EIF2S1: variants seen among roughly 807,000 people sequenced by gnomAD.
The protein encoded by EIF2S1 is eukaryotic translation initiation factor 2 subunit alpha, also known as eukaryotic translation initiation factor 2 subunit 1.
EIF2S1 carries 5 observed loss-of-function variants against 33.5 expected under a neutral mutation model. That is an observed-to-expected ratio of 0.15 (90% CI 0.08 to 0.31). EIF2S1 has a LOEUF of 0.31. EIF2S1 is among the 10% of genes least tolerant of loss of function. EIF2S1 has a pLI of 1.00. For synonymous variants in EIF2S1, 99 were observed against 127.5 expected (o/e 0.78, Z 1.51); for missense variants, 191 against 384.6 (o/e 0.50, Z 4.21).
intron 1 of EIF2S1, among the ~76,000 whole-genome samples, chr14:67,362,836 C>T (rs1357295753): frequency 6.6e-6 from 1 of 152,070 alleles, no homozygotes; most frequent in Non-Finnish European, 1.5e-5. Context: ...GGTATGGATT[C>T]TTTTTGTACT....
At position 67,374,623 on chromosome 14, in the gene EIF2S1, G is replaced by A. The variant is rs144835639; in HGVS notation, c.321+76G>A. ...TAATTTGAAATCTTAATTTCATACT[G>A]CTACTACCTTAAAGTATTGCTTATG... is the stretch of plus-strand genomic sequence containing the variant. On this transcript the variant is annotated intron_variant, in intron 3 of 7. Transcript: ENST00000256383. The A allele has an allele frequency of 4.2e-5, 40 of 941,918 alleles. No individual in the cohort carries two copies. In the Admixed American group the frequency reaches 8.9e-4, roughly 21 times the overall value. The allele number at this position is 941,918 out of a possible 1,614,324, so 58.3% of individuals were successfully genotyped here. A position where few individuals can be genotyped will look rare whatever the true frequency, so the allele number is the denominator to read the frequency against.
rs370525056 is a variant in EIF2S1 at position 67,383,453 on chromosome 14, C to G, written c.*13C>G. 1.2e-6 allele frequency: 2 copies of G among 1,611,908 alleles called. No homozygotes were observed. The highest frequency in any genetic ancestry group is 2.7e-5 in the African/African-American group (2 of 74,868). On this transcript the variant is annotated 3_prime_UTR_variant, in exon 8 of 8. Transcript: ENST00000256383. ...AGCTGAAGATTAACTTTGTGGGAAA[C>G]AGAGTCCAATTTAAGGAACACAGAG...
chr14:67,366,014 T>C (rs2085775478), intron 2 of EIF2S1, among the ~76,000 whole-genome samples: 1 of 152,196 alleles, frequency 6.6e-6, no homozygotes. Context: ...TTGAGACTAT[T>C]TGTTAAACTT....
intron 2 of EIF2S1, among the ~76,000 whole-genome samples, 191 bp downstream of exon 2, chr14:67,365,199 T>C (rs1293921990): frequency 6.6e-6 from 1 of 152,218 alleles, no homozygotes; most frequent in Non-Finnish European, 1.5e-5. Context: ...AGTAGTTTAA[T>C]TAGTACATCC....
intron 6 of EIF2S1, 39 bp from the exon 7 acceptor site, chr14:67,382,408 A>G: frequency 1.3e-6 from 2 of 1,572,362 alleles, no homozygotes; most frequent in Non-Finnish European, 1.7e-6. Flanking sequence ...TGGGTTCTGT[A>G]GGTACATTCA....
chr14:67,368,368 G>C (rs2085795066), intron 2 of EIF2S1, among the ~76,000 whole-genome samples: 1 of 152,140 alleles, frequency 6.6e-6, no homozygotes, highest in African/African-American at 2.4e-5. Flanking sequence ...CATAAGAAAG[G>C]CATGCTACCA....
intron 4 of EIF2S1, among the ~76,000 whole-genome samples, chr14:67,379,882 C>T (rs2085878438): frequency 6.6e-6 from 1 of 151,830 alleles, no homozygotes; most frequent in African/African-American, 2.4e-5. Context: ...TCTCGATCTC[C>T]TGACCTCGTG....
intron 3 of EIF2S1, 123 bp from the exon 4 acceptor site, chr14:67,376,316 C>A: frequency 1.0e-6 from 1 of 974,712 alleles, no homozygotes. Context: ...TGAGTATTTC[C>A]CTATGGAGAT....
chr14:67,372,838 C>G (rs938884641), intron 2 of EIF2S1, among the ~76,000 whole-genome samples: 2 of 146,634 alleles, frequency 1.4e-5, no homozygotes, highest in African/African-American at 5.1e-5. Context: ...AAAAAAAAAA[C>G]AAAAAACAAA....
intron 5 of EIF2S1, among the ~76,000 whole-genome samples, chr14:67,381,209 T>G (rs2085886129): frequency 6.6e-6 from 1 of 152,196 alleles, no homozygotes; most frequent in Non-Finnish European, 1.5e-5. Flanking sequence ...AACCTTAACA[T>G]AAACCCGTCC....
chr14:67,369,202 T>C (rs2085802364), intron 2 of EIF2S1, among the ~76,000 whole-genome samples: 1 of 152,200 alleles, frequency 6.6e-6, no homozygotes, highest in Non-Finnish European at 1.5e-5. Flanking sequence ...ATGCAGACAA[T>C]ACCTTAAGGA....
rs1268985583 is a variant in EIF2S1, at chr14:67,384,288, T to C, written c.*848T>C. ...TCACCCAATTTTTTATTTTTATTGC[T>C]ATTAAAATATCCACTAGATGCCACC... On this transcript the variant is annotated 3_prime_UTR_variant, in exon 8 of 8. Coordinates refer to ENST00000256383, the MANE Select transcript of EIF2S1 (RefSeq NM_004094.5). 6.6e-6 allele frequency: 1 copy of C among 152,152 alleles called. No individual in the cohort carries two copies. Among genetic ancestry groups the C allele is most frequent in the Admixed American group, 6.5e-5 (1 of 15,282 alleles). The allele number at this position is 152,152 out of a possible 1,614,324, so 9.4% of individuals were successfully genotyped here.
At chr14:67,377,711 C>T (rs549680271) in intron 4 of EIF2S1, among the ~76,000 whole-genome samples, 4 of 152,272 alleles carry the variant, frequency 2.6e-5, no homozygotes, top group African/African-American at 9.6e-5. Flanking sequence ...TTTACTCCAT[C>T]AGCATAAAAA....
At chr14:67,376,098 CTTGTAT>C (rs1196699167) in intron 3 of EIF2S1, among the ~76,000 whole-genome samples, 3 of 152,106 alleles carry the variant, frequency 2.0e-5, no homozygotes, top group African/African-American at 7.2e-5. Context: ...ATAATAACAA[CTTGTAT>C]TTGTATAGCC....
At chr14:67,377,729 A>G (rs935742227) in intron 4 of EIF2S1, among the ~76,000 whole-genome samples, 8 of 152,022 alleles carry the variant, frequency 5.3e-5, no homozygotes, top group African/African-American at 1.9e-4. Context: ...AAATATCTCT[A>G]GTTTCTTCCA....
intron 4 of EIF2S1, among the ~76,000 whole-genome samples, chr14:67,378,307 C>G (rs2085868383): frequency 7.0e-6 from 1 of 142,806 alleles, no homozygotes; most frequent in Non-Finnish European, 1.5e-5. Flanking sequence ...AGTTTATTCT[C>G]ATGTGACTTT....
At position 67,360,344 on chromosome 14, in the gene EIF2S1, G is replaced by C. The variant is rs945588538; in HGVS notation, c.-114G>C. On this transcript the variant is annotated 5_prime_UTR_variant, in exon 1 of 8. Coordinates refer to ENST00000256383, the MANE Select transcript of EIF2S1 (RefSeq NM_004094.5). ...AGGTTCCGCATGCGCGGTGGAGTGA[G>C]CGAAGCGCACGCTGAGGAGGATCGG... The C allele has an allele frequency of 2.0e-5, 8 of 397,592 alleles. No homozygotes were observed. The highest frequency in any genetic ancestry group is 2.7e-5 in the Non-Finnish European group (6 of 225,682). The allele number at this position is 397,592 out of a possible 1,614,324, so 24.6% of individuals were successfully genotyped here.
intron 2 of EIF2S1, among the ~76,000 whole-genome samples, chr14:67,365,741 C>T (rs887396328): frequency 1.3e-5 from 2 of 152,184 alleles, no homozygotes; most frequent in African/African-American, 4.8e-5. Context: ...CCATCATGTC[C>T]GAAAGGCTTC....
At chr14:67,361,835 C>G (rs1383862917) in intron 1 of EIF2S1, among the ~76,000 whole-genome samples, 1 of 152,134 alleles carries the variant, frequency 6.6e-6, no homozygotes, top group Non-Finnish European at 1.5e-5. Context: ...AGTTTAGCTC[C>G]TACGCTAGTA....
Sources: gnomAD v4.1 joint callset for allele counts (sites outside exome capture counted in the v4.1 genomes callset) on GRCh38, gnomAD v4.1.1 for gene constraint, MANE v1.5 for transcripts, NCBI Gene and HGNC (gene_info 2026-07-23, HGNC 2026-07-21) for gene names.